WNK1: variants seen among roughly 807,000 people sequenced by gnomAD.
The protein encoded by WNK1 is WNK lysine deficient protein kinase 1.
WNK1 carries 38 observed loss-of-function variants against 222.8 expected under a neutral mutation model. The ratio of observed to expected loss-of-function variants is 0.17; its 90% confidence interval spans 0.13 to 0.22. The LOEUF (loss-of-function observed/expected upper bound fraction) is 0.22, where lower values mean the gene tolerates loss of function less well. WNK1 is among the 10% of genes least tolerant of loss of function. The pLI, the probability that WNK1 is intolerant of heterozygous loss-of-function variation, is 1.00. For missense variants in WNK1, 2,348 were observed against 2,918.4 expected (o/e 0.80, Z 4.50); for synonymous variants, 1,090 against 1,092.9 (o/e 1.00, Z 0.05).
chr12:791,152 A>G (rs1944792552), intron 1 of WNK1, among the ~76,000 whole-genome samples: 1 of 152,098 alleles, frequency 6.6e-6, no homozygotes, highest in Admixed American at 6.6e-5. Flanking sequence ...GTACCACAAT[A>G]TATAATAATT....
intron 4 of WNK1, among the ~76,000 whole-genome samples, chr12:854,333 C>T (rs1037837233): frequency 6.8e-6 from 1 of 146,182 alleles, no homozygotes; most frequent in Admixed American, 6.8e-5. Context: ...GCCTGGGCAA[C>T]AGAGCAAGAA....
intron 8 of WNK1, chr12:865,498 T>A: frequency 4.0e-6 from 5 of 1,245,150 alleles, no homozygotes; most frequent in African/African-American, 1.5e-5. Flanking sequence ...ATACCAGTTA[T>A]TCCTGTAGGA....
chr12:808,019 G>A (rs1946545213), intron 1 of WNK1, among the ~76,000 whole-genome samples: 2 of 151,736 alleles, frequency 1.3e-5, no homozygotes, highest in South Asian at 2.1e-4. Context: ...GCGCCCGGCC[G>A]GGAGCAATAA....
Position 861,003 on chromosome 12 carries a change from T to C in WNK1, c.1621-10T>C, listed in dbSNP as rs1486225479. Reference sequence around the variant, plus strand: ...TATACTACTGCTTAATTTACCCTTTTATTCTGTAGGTAGAGTCTGGGTATG... The same window carrying C: ...TATACTACTGCTTAATTTACCCTTTCATTCTGTAGGTAGAGTCTGGGTATG... On this transcript the variant is annotated splice_polypyrimidine_tract_variant and intron_variant, in intron 6 of 27. Transcript: ENST00000315939. 1.9e-6 allele frequency: 3 copies of C among 1,613,388 alleles called. No homozygotes were observed. Among genetic ancestry groups the C allele is most frequent in the Non-Finnish European group, 2.5e-6 (3 of 1,179,698 alleles).
At position 880,876 on chromosome 12, in the gene WNK1, G is replaced by T; in HGVS notation, c.2988G>T (p.Gln996His). The change falls in exon 12 of 28, where the codon CAG (glutamine) becomes CAT (histidine). Residue 996 changes from glutamine (Q) to histidine (H), a missense_variant. By Grantham distance (24) the Gln-to-His change is conservative. Around this residue, in one of 13 missense-constraint regions of WNK1, gnomAD observed 547 missense variants for 558.3 expected, o/e 0.98. Coordinates refer to ENST00000315939, the MANE Select transcript of WNK1 (RefSeq NM_018979.4). ...ATPGYFPTVVQPYVESNLLVP... is the reference protein window; with the variant it reads ...ATPGYFPTVVHPYVESNLLVP... ...CTGGGTACTTTCCCACAGTGGTGCA[G>T]CCTTATGTGGAATCAAATCTTTTAG... 1 of 1,614,114 alleles carries T rather than the reference G, an allele frequency of 6.2e-7. No homozygotes were observed. The highest frequency in any genetic ancestry group is 1.3e-5 in the African/African-American group (1 of 75,020).
In WNK1 at chr12:798,470, G is replaced by T. The variant is rs565495292; in HGVS notation, c.760-15172G>T. Among the ~76,000 whole-genome samples, 9 of 152,294 alleles carry T rather than the reference G, an allele frequency of 5.9e-5. No homozygotes were observed. The South Asian group carries it at 1.9e-3, about 32-fold the overall frequency. On this transcript the variant is annotated intron_variant, in intron 1 of 27. Coordinates refer to ENST00000315939, the MANE Select transcript of WNK1 (RefSeq NM_018979.4). ...GCCTCCCAAAGTGCTGGGATGACAG[G>T]CGTGAGCCACCAAGCCCAGCCTTAC...
intron 5 of WNK1, among the ~76,000 whole-genome samples, 197 bp from the exon 6 acceptor site, chr12:859,048 T>C (rs1162696832): frequency 6.6e-6 from 1 of 152,238 alleles, no homozygotes; most frequent in East Asian, 1.9e-4. Context: ...GAGATTGTTA[T>C]GATGTTTTAT....
chr12:769,655 G>C (rs1942230937), intron 1 of WNK1, among the ~76,000 whole-genome samples: 1 of 152,178 alleles, frequency 6.6e-6, no homozygotes, highest in Admixed American at 6.5e-5. Context: ...ATTGTAGAAA[G>C]GTATTCAGAA....
intron 4 of WNK1, among the ~76,000 whole-genome samples, chr12:844,140 A>ATT (rs559534552): frequency 1.1e-3 from 164 of 149,394 alleles, no homozygotes; most frequent in African/African-American, 4.0e-3. Context: ...ATTTTATTTT[A>ATT]TTTTTTTTTG....
At chr12:877,661 G>T in intron 9 of WNK1, among the ~76,000 whole-genome samples, 1 of 152,122 alleles carries the variant, frequency 6.6e-6, no homozygotes, top group East Asian at 1.9e-4. Context: ...GGCATTAACA[G>T]CTAGTAAATA....
chr12:903,911 T>A (rs910766650), intron 26 of WNK1, among the ~76,000 whole-genome samples: 6 of 152,216 alleles, frequency 3.9e-5, no homozygotes, highest in African/African-American at 9.6e-5. Context: ...CCACGTACTT[T>A]TAAAAACTAT....
intron 22 of WNK1, among the ~76,000 whole-genome samples, chr12:890,841 T>C (rs1954155589): frequency 6.6e-6 from 1 of 152,186 alleles, no homozygotes; most frequent in Non-Finnish European, 1.5e-5. Context: ...ACTGGATATA[T>C]AGGGATAGAA....
chr12:768,896 G>A (rs1241902474), intron 1 of WNK1, among the ~76,000 whole-genome samples: 4 of 151,450 alleles, frequency 2.6e-5, no homozygotes, highest in East Asian at 1.9e-4. Flanking sequence ...TGCAACCTCC[G>A]CTTCCCAGGT....
At chr12:814,581 A>C (rs1947184959) in intron 2 of WNK1, among the ~76,000 whole-genome samples, 1 of 152,136 alleles carries the variant, frequency 6.6e-6, no homozygotes, top group African/African-American at 2.4e-5. Flanking sequence ...CTTTCACAGA[A>C]ATAGGTTTAA....
intron 27 of WNK1, 147 bp downstream of exon 27, chr12:908,181 C>T: frequency 9.2e-7 from 1 of 1,090,748 alleles, no homozygotes; most frequent in Non-Finnish European, 1.3e-6. Flanking sequence ...CCCCAGGTAC[C>T]CTTTTATTTT....
intron 1 of WNK1, among the ~76,000 whole-genome samples, chr12:813,417 C>T (rs578067725): frequency 3.3e-5 from 5 of 152,180 alleles, no homozygotes; most frequent in Admixed American, 1.3e-4. Context: ...TTAACTGCAC[C>T]TTACAAAAAT....
chr12:753,541 C>T lies in WNK1; in HGVS notation c.-25C>T, dbSNP rs72647367. ...CTTTTCGTTCACGAATCCGAGCCCG[C>T]TCGCCTCTCTCCAGCGAACCGACCA... On this transcript the variant is annotated 5_prime_UTR_variant, in exon 1 of 28. Coordinates refer to ENST00000315939, the MANE Select transcript of WNK1 (RefSeq NM_018979.4). The surrounding 1 kb of genome is among the most constrained non-coding windows in gnomAD (Gnocchi z 5.2). 2 of 1,611,396 alleles carry T rather than the reference C, an allele frequency of 1.2e-6. No homozygotes were observed. The highest frequency in any genetic ancestry group is 1.7e-6 in the Non-Finnish European group (2 of 1,179,770).
chr12:785,398 TCC>T (rs369159432), intron 1 of WNK1, among the ~76,000 whole-genome samples: 1 of 57,206 alleles, frequency 1.7e-5, no homozygotes, highest in Non-Finnish European at 3.4e-5. Flanking sequence ...TATCATTTTC[TCC>T]CCCCCCCCCA....
chr12:911,420 A>T lies in WNK1; in HGVS notation c.*2628A>T. The T allele has an allele frequency of 2.5e-6, 1 of 398,590 alleles. No individual in the cohort carries two copies. Among genetic ancestry groups the T allele is most frequent in the Non-Finnish European group, 4.4e-6 (1 of 226,066 alleles). The allele number at this position is 398,590 out of a possible 1,614,324, so 24.7% of individuals were successfully genotyped here. A position where few individuals can be genotyped will look rare whatever the true frequency, so the allele number is the denominator to read the frequency against. ...TACCTTTGTAGACTTATTTAATGAA[A>T]CCATTCAAATAAACCAAACTTGCTT... On this transcript the variant is annotated 3_prime_UTR_variant, in exon 28 of 28. Coordinates refer to ENST00000315939, the MANE Select transcript of WNK1 (RefSeq NM_018979.4).
Sources: allele counts gnomAD v4.1 joint callset (sites outside exome capture counted in the v4.1 genomes callset), GRCh38; gene constraint gnomAD v4.1.1; regional missense constraint gnomAD v4.1.1; non-coding constraint Gnocchi (gnomAD v3.1); transcripts MANE v1.5; gene names NCBI Gene and HGNC (gene_info 2026-07-23, HGNC 2026-07-21).